Variants in USP22 observed in about 807,000 individuals in gnomAD.
The protein encoded by USP22 is ubiquitin specific peptidase 22, also known as ubiquitin carboxyl-terminal hydrolase 22.
USP22 carries 22 observed loss-of-function variants against 68.1 expected under a neutral mutation model. That is an observed-to-expected ratio of 0.32 (90% CI 0.23 to 0.46). USP22 has a LOEUF of 0.46. Among genes scored for constraint, USP22 ranks in the 20% least tolerant of loss-of-function variants. The probability of loss-of-function intolerance (pLI) is 1.00; values close to 1 mark genes in which losing one functional copy is unlikely to be tolerated. For missense variants in USP22, 433 were observed against 695.8 expected, an observed-to-expected ratio of 0.62 and a Z score of 4.25; for synonymous variants, 279 against 274.2, an observed-to-expected ratio of 1.02 and a Z score of -0.17.
In USP22 at chr17:21,003,024, G is replaced by A. The variant is rs1003342799; in HGVS notation, c.*7C>T. On this transcript the variant is annotated 3_prime_UTR_variant, in exon 13 of 13. Transcript: ENST00000261497. ...GCCTTTGTTTTTCTGACCAGCTGCA[G>A]ATAAGGCTACTCGTATTCCAGGAAC... The A allele has an allele frequency of 3.7e-6, 6 of 1,613,758 alleles. No individual in the cohort carries two copies. The highest frequency in any genetic ancestry group is 5.1e-6 in the Non-Finnish European group (6 of 1,179,862).
chr17:21,008,284 A>G (rs1210170204), intron 8 of USP22, among the ~76,000 whole-genome samples: 1 of 152,186 alleles, frequency 6.6e-6, no homozygotes, highest in African/African-American at 2.4e-5. Flanking sequence ...CAGAGAAATG[A>G]AAACTAATGT....
chr17:21,041,017 T>A (rs560940763), intron 1 of USP22, among the ~76,000 whole-genome samples: 5 of 152,002 alleles, frequency 3.3e-5, no homozygotes, highest in African/African-American at 1.2e-4. Flanking sequence ...CTGGAGTAGC[T>A]GGGATTACAG....
intron 5 of USP22, 116 bp from the exon 6 acceptor site, chr17:21,016,015 C>A: frequency 2.2e-6 from 3 of 1,337,780 alleles, no homozygotes; most frequent in South Asian, 3.2e-5. Context: ...TCATTTGACA[C>A]AAATGTTTGG....
Position 21,017,947 on chromosome 17 carries a change from G to C in USP22, c.685C>G (p.Gln229Glu), listed in dbSNP as rs767569358. The C allele has an allele frequency of 1.9e-6, 3 of 1,614,038 alleles. No individual in the cohort carries two copies. The highest frequency in any genetic ancestry group is 2.5e-6 in the Non-Finnish European group (3 of 1,180,018). ...CAGAAGTCAATGGCGCTCACCTCCTGAAACAGTGAGGACATCTCACAGACC... is the reference window on the plus strand; with the variant it reads ...CAGAAGTCAATGGCGCTCACCTCCTCAAACAGTGAGGACATCTCACAGACC... ...CLVCEMSSLF[Q>E]EFYSGHRSPH... Residue 229 changes from glutamine (Q) to glutamate (E), a missense_variant, in exon 5 of 13, where the codon CAG becomes GAG. Around this residue, in one of 4 missense-constraint regions of USP22, gnomAD observed 144 missense variants for 237.2 expected, o/e 0.61. Transcript: ENST00000261497.
In USP22 at chr17:21,039,205, C is replaced by G. The variant is rs539110535; in HGVS notation, c.171+3460G>C. 8.6e-5 allele frequency among the ~76,000 whole-genome samples: 13 copies of G among 152,022 alleles called. No individual in the cohort carries two copies. The East Asian group carries it at 2.6e-3, about 30-fold the overall frequency. ...TGACCTCGTGATCCGCCCGCCTCGG[C>G]CTCCCAACGTGCTGGGATTACAGGC... On this transcript the variant is annotated intron_variant, in intron 1 of 12. Transcript: ENST00000261497.
At chr17:21,009,455 C>T (rs1913878910) in intron 8 of USP22, among the ~76,000 whole-genome samples, 2 of 64,786 alleles carry the variant, frequency 3.1e-5, no homozygotes, top group Non-Finnish European at 8.0e-5. Flanking sequence ...GCTTGCAATA[C>T]AAAGTGGGGA....
chr17:21,022,728 G>A (rs1259229249), intron 2 of USP22, among the ~76,000 whole-genome samples: 1 of 151,904 alleles, frequency 6.6e-6, no homozygotes, highest in Non-Finnish European at 1.5e-5. Flanking sequence ...GAACCTGGGA[G>A]GCGGAGCTTG....
In USP22 at chr17:21,019,196, G is replaced by A; in HGVS notation, c.419-11C>T. ...ACTTCTCTCCAACGCCTAAGCAGAT[G>A]AAGGACAGTTCCAAGCGCTATTAGC... On this transcript the variant is annotated splice_polypyrimidine_tract_variant and intron_variant, in intron 3 of 12. Coordinates refer to ENST00000261497, the MANE Select transcript of USP22 (RefSeq NM_015276.2). 1 of 1,613,130 alleles carries A rather than the reference G, an allele frequency of 6.2e-7. No individual in the cohort carries two copies. Among genetic ancestry groups the A allele is most frequent in the Non-Finnish European group, 8.5e-7 (1 of 1,179,140 alleles).
Position 21,007,891 on chromosome 17 carries a change from G to A in USP22, c.1209C>T (p.Ile403=), listed in dbSNP as rs11541311. 8 of 1,614,036 alleles carry A rather than the reference G, an allele frequency of 5.0e-6. No individual in the cohort carries two copies. In the African/African-American group the frequency reaches 5.3e-5, roughly 11 times the overall value. ...TKQLTMKKLP[I]VACFHLKRFE... is the part of the protein sequence containing the mutation. The stretch of plus-strand genomic sequence containing the variant: ...TTACTTTGAGATGAAAACAGGCTAC[G>A]ATGGGCAGTTTCTTCATAGTGAGCT... Residue 403 remains isoleucine, a synonymous_variant, in exon 9 of 13, where the codon ATC becomes ATT. Transcript: ENST00000261497.
At position 21,042,874 on chromosome 17, in the gene USP22, A is replaced by C. The variant is rs960287518; in HGVS notation, c.-39T>G. 8 of 1,220,022 alleles carry C rather than the reference A, an allele frequency of 6.6e-6. No individual in the cohort carries two copies. The highest frequency in any genetic ancestry group is 8.2e-6 in the Non-Finnish European group (8 of 975,450). The allele number at this position is 1,220,022 out of a possible 1,614,324, so 75.6% of individuals were successfully genotyped here. A position where few individuals can be genotyped will look rare whatever the true frequency, so the allele number is the denominator to read the frequency against. On this transcript the variant is annotated 5_prime_UTR_variant, in exon 1 of 13. Transcript: ENST00000261497. ...CGGCCGCGCGCGGGGGGCGGCGGCGAGGGAGGCGAGGACGACGCCAGCGCG... is the reference window on the plus strand; with the variant it reads ...CGGCCGCGCGCGGGGGGCGGCGGCGCGGGAGGCGAGGACGACGCCAGCGCG...
chr17:21,030,521 G>C (rs1250468672), intron 1 of USP22, among the ~76,000 whole-genome samples: 1 of 152,158 alleles, frequency 6.6e-6, no homozygotes, highest in Non-Finnish European at 1.5e-5. Flanking sequence ...CTACAACAAA[G>C]AACTCTGGCC....
At chr17:21,041,565 T>A (rs915050722) in intron 1 of USP22, among the ~76,000 whole-genome samples, 3 of 152,100 alleles carry the variant, frequency 2.0e-5, no homozygotes, top group African/African-American at 7.2e-5. Flanking sequence ...GCCACTGCAC[T>A]CCAGCCTGGG....
At position 21,002,959 on chromosome 17, in the gene USP22, G is replaced by A. The variant is rs78523442; in HGVS notation, c.*72C>T. On this transcript the variant is annotated 3_prime_UTR_variant, in exon 13 of 13. Transcript: ENST00000261497. ...GCGGCGGGAGACTTGGGGGAGGGGG[G>A]GGCCAGGGAGGATCACTTTGTGAGG... 16 of 1,584,468 alleles carry A rather than the reference G, an allele frequency of 1.0e-5. No homozygotes were observed. The South Asian group carries it at 1.2e-4, about 12-fold the overall frequency.
At chr17:21,007,719 G>T in intron 9 of USP22, 151 bp downstream of exon 9, 1 of 988,430 alleles carries the variant, frequency 1.0e-6, no homozygotes, top group Non-Finnish European at 1.5e-6. Flanking sequence ...CAGATGGGAG[G>T]ACAATTCCCT....
In USP22 at chr17:21,014,867, C is replaced by CA. The variant is rs1375939872; in HGVS notation, c.838+884dup. Among the ~76,000 whole-genome samples the CA allele has an allele frequency of 2.6e-5, 4 of 152,334 alleles. No individual in the cohort carries two copies. The East Asian group carries it at 5.8e-4, about 22-fold the overall frequency. On this transcript the variant is annotated intron_variant, in intron 6 of 12. Coordinates refer to ENST00000261497, the MANE Select transcript of USP22 (RefSeq NM_015276.2). ...CCTGTGACCTGAGCGCATGGGTTCTCAGAGTATGGCATCTGAACCAGCGGC... is the reference window on the plus strand; with the variant it reads ...CCTGTGACCTGAGCGCATGGGTTCTCAAGAGTATGGCATCTGAACCAGCGGC...
chr17:21,028,555 C>A lies in USP22; in HGVS notation c.291G>T (p.Lys97Asn), dbSNP rs750316445. ...AGCTCGCCTCACCCAGGTTGTGCCG[C>A]TTCGCCTTCGCATGCTCGTGAATAT... Reference protein sequence around the residue: ...KKHIHEHAKAKRHNLAIDLMY... With the variant: ...KKHIHEHAKANRHNLAIDLMY... Residue 97 changes from lysine (K) to asparagine (N), a missense_variant, in exon 2 of 13, where the codon AAG becomes AAT. Physicochemically the swap from Lys to Asn is moderately conservative, Grantham distance 94. Coordinates refer to ENST00000261497, the MANE Select transcript of USP22 (RefSeq NM_015276.2). 6.2e-6 allele frequency: 10 copies of A among 1,613,936 alleles called. No homozygotes were observed. The East Asian group carries it at 2.2e-4, about 36-fold the overall frequency.
At position 21,011,140 on chromosome 17, in the gene USP22, A is replaced by T; in HGVS notation, c.1103+11T>A. On this transcript the variant is annotated intron_variant, in intron 8 of 12. Coordinates refer to ENST00000261497, the MANE Select transcript of USP22 (RefSeq NM_015276.2). ...AGACACGCCCCCGCCGTGTGGGTGC[A>T]GGCCTCTCACCGTCGCAGGCAGTCC... is the stretch of plus-strand genomic sequence containing the variant. 2 of 1,576,348 alleles carry T rather than the reference A, an allele frequency of 1.3e-6. No individual in the cohort carries two copies. Among genetic ancestry groups the T allele is most frequent in the South Asian group, 1.2e-5 (1 of 84,318 alleles).
At chr17:21,013,002 A>G in intron 6 of USP22, 67 bp from the exon 7 acceptor site, 1 of 1,510,416 alleles carries the variant, frequency 6.6e-7, no homozygotes, top group Admixed American at 1.7e-5. Flanking sequence ...AGGGAAGAGC[A>G]GTTCACCCTG....
At chr17:21,012,030 C>T (rs916822641) in intron 7 of USP22, among the ~76,000 whole-genome samples, 3 of 152,118 alleles carry the variant, frequency 2.0e-5, no homozygotes, top group Admixed American at 6.5e-5. Flanking sequence ...TGGCCTTTCC[C>T]GATATTTGCT....
Sources: gnomAD v4.1 joint callset for allele counts (sites outside exome capture counted in the v4.1 genomes callset) on GRCh38, gnomAD v4.1.1 for gene constraint, gnomAD v4.1.1 regional missense constraint, MANE v1.5 for transcripts, NCBI Gene and HGNC (gene_info 2026-07-23, HGNC 2026-07-21) for gene names.